The following SNX16 variants were observed in gnomAD, a reference collection of about 807,000 sequenced individuals.
The protein encoded by SNX16 is sorting nexin-16.
Under a neutral mutation model 36.7 loss-of-function variants are expected in SNX16, and 35 were observed. That is an observed-to-expected ratio of 0.95 (90% CI 0.73 to 1.27). SNX16 has a LOEUF of 1.27. Ranked by LOEUF, SNX16 falls within the 50% of genes most tolerant of loss-of-function variation. The pLI, the probability that SNX16 is intolerant of heterozygous loss-of-function variation, is 0.00. For missense variants in SNX16, 367 were observed against 393.6 expected, an observed-to-expected ratio of 0.93 and a Z score of 0.57; for synonymous variants, 134 against 132.0, an observed-to-expected ratio of 1.02 and a Z score of -0.10.
chr8:81,831,199 GC>G (rs1412016579), intron 2 of SNX16, among the ~76,000 whole-genome samples: 1 of 152,308 alleles, frequency 6.6e-6, no homozygotes, highest in East Asian at 1.9e-4. Flanking sequence ...CTGGACATCG[GC>G]CTTGGGAAAG....
At chr8:81,807,965 T>C (rs1226367609) in intron 5 of SNX16, 8 of 787,994 alleles carry the variant, frequency 1.0e-5, no homozygotes, top group Non-Finnish European at 1.6e-5. Context: ...TATGCCACTG[T>C]GGGGGAGGTG....
chr8:81,803,718 T>A (rs1809810045), intron 5 of SNX16, among the ~76,000 whole-genome samples: 1 of 151,922 alleles, frequency 6.6e-6, no homozygotes, highest in Non-Finnish European at 1.5e-5. Flanking sequence ...GTACAAGAAA[T>A]GAGGAGTCAG....
At chr8:81,830,137 C>A (rs1811187710) in intron 2 of SNX16, among the ~76,000 whole-genome samples, 1 of 152,090 alleles carries the variant, frequency 6.6e-6, no homozygotes, top group African/African-American at 2.4e-5. Flanking sequence ...TATTTCCATA[C>A]ACCAATAACA....
chr8:81,833,287 G>A (rs1161273055), intron 2 of SNX16, among the ~76,000 whole-genome samples: 1 of 151,444 alleles, frequency 6.6e-6, no homozygotes, highest in Non-Finnish European at 1.5e-5. Context: ...TCATTAGTTA[G>A]GGACTATAGA....
chr8:81,816,077 T>C (rs1156547287), intron 4 of SNX16, among the ~76,000 whole-genome samples: 1 of 152,208 alleles, frequency 6.6e-6, no homozygotes, highest in Non-Finnish European at 1.5e-5. Context: ...TTTGGACTGT[T>C]GAACTGAGAG....
intron 6 of SNX16, among the ~76,000 whole-genome samples, chr8:81,802,861 T>C (rs1212011108): frequency 1.3e-5 from 2 of 151,888 alleles, no homozygotes; most frequent in Middle Eastern, 3.2e-3. Context: ...AATGTTTACC[T>C]TGTTGAACAG....
chr8:81,833,313 G>A (rs1811350023), intron 2 of SNX16, among the ~76,000 whole-genome samples: 1 of 151,636 alleles, frequency 6.6e-6, no homozygotes, highest in Non-Finnish European at 1.5e-5. Flanking sequence ...CTTACCCTTT[G>A]ATTTTTCTCC....
rs1810429830 is a variant in SNX16, at chr8:81,815,309, A to G, written c.681+16T>C. On this transcript the variant is annotated intron_variant, in intron 5 of 7. Transcript: ENST00000345957. ...AATTGTTCCTCTTTTCATGTGCTAT[A>G]TAATACAGCACTTACCCTGCTTTCT... 1 of 1,600,564 alleles carries G rather than the reference A, an allele frequency of 6.2e-7. No individual in the cohort carries two copies. Among genetic ancestry groups the G allele is most frequent in the East Asian group, 2.2e-5 (1 of 44,660 alleles).
chr8:81,839,775 G>C lies in SNX16; in HGVS notation c.212C>G (p.Pro71Arg), dbSNP rs1315010356. Residue 71 changes from proline (P) to arginine (R), a missense_variant, in exon 2 of 8, where the codon CCC becomes CGC. Physicochemically the swap from Pro to Arg is moderately radical, Grantham distance 103. Coordinates refer to ENST00000345957, the MANE Select transcript of SNX16 (RefSeq NM_152836.3). ...ACCTGTAAATTTAGTCCTAATGAGG[G>C]GACTGCTACAGACAGATGAAGTATT... ...MDNTSSVCSSPLIRTKFTGTA... is the reference protein window; with the variant it reads ...MDNTSSVCSSRLIRTKFTGTA... 3 of 1,613,448 alleles carry C rather than the reference G, an allele frequency of 1.9e-6. No individual in the cohort carries two copies. Among genetic ancestry groups the C allele is most frequent in the Non-Finnish European group, 2.5e-6 (3 of 1,179,610 alleles).
chr8:81,809,197 GA>G (rs1696042346), intron 5 of SNX16, among the ~76,000 whole-genome samples: 1 of 152,102 alleles, frequency 6.6e-6, no homozygotes, highest in Non-Finnish European at 1.5e-5. Context: ...CTTGGGTGGG[GA>G]AGTCATTGTC....
intron 2 of SNX16, among the ~76,000 whole-genome samples, chr8:81,838,862 T>A (rs1005744583): frequency 6.6e-6 from 1 of 151,706 alleles, no homozygotes; most frequent in African/African-American, 2.4e-5. Flanking sequence ...AATACATGTA[T>A]CTGAAAAAAA....
chr8:81,802,403 T>C lies in SNX16; in HGVS notation c.915A>G (p.Gln305=), dbSNP rs943331184. Residue 305 remains glutamine, a synonymous_variant, in exon 7 of 8, where the codon CAA becomes CAG. Transcript: ENST00000345957. ...KVESSALEVD[Q]DVLDEESRAD... The stretch of plus-strand genomic sequence containing the variant: ...ACCTAGATTCTTCATCCAGGACATC[T>C]TGATCAACCTCAAGTGCAGAGGACT... 19 of 1,607,344 alleles carry C rather than the reference T, an allele frequency of 1.2e-5. No individual in the cohort carries two copies. Among genetic ancestry groups the C allele is most frequent in the East Asian group, 6.7e-5 (3 of 44,512 alleles).
At chr8:81,824,991 T>C (rs1810948394) in intron 3 of SNX16, among the ~76,000 whole-genome samples, 2 of 152,212 alleles carry the variant, frequency 1.3e-5, no homozygotes, top group South Asian at 4.1e-4. Flanking sequence ...ATAAGCCTAA[T>C]ACTGGCCTCT....
chr8:81,823,749 A>G, intron 4 of SNX16, 43 bp downstream of exon 4: 1 of 1,508,492 alleles, frequency 6.6e-7, no homozygotes, highest in Non-Finnish European at 8.9e-7. Flanking sequence ...TACGCCAGTT[A>G]TTGGAATGCT....
At chr8:81,833,919 T>C (rs1016589849) in intron 2 of SNX16, among the ~76,000 whole-genome samples, 2 of 152,236 alleles carry the variant, frequency 1.3e-5, no homozygotes, top group African/African-American at 2.4e-5. Context: ...ACTGTTTTTA[T>C]TTTAATGTAG....
At chr8:81,833,330 A>G (rs73696323) in intron 2 of SNX16, among the ~76,000 whole-genome samples, 2,867 of 152,218 alleles carry the variant, frequency 0.019, 92 homozygotes, top group African/African-American at 0.064. Flanking sequence ...CTCCCATACA[A>G]ACTTCTCTTT....
At chr8:81,808,417 T>A in intron 5 of SNX16, 1 of 1,210,748 alleles carries the variant, frequency 8.3e-7, no homozygotes, top group Non-Finnish European at 1.2e-6. Context: ...AATGACAACT[T>A]TGGTTGTGGA....
chr8:81,822,208 C>T (rs1313876155), intron 4 of SNX16, among the ~76,000 whole-genome samples: 1 of 151,830 alleles, frequency 6.6e-6, no homozygotes, highest in Non-Finnish European at 1.5e-5. Flanking sequence ...AGTTACCTAA[C>T]GAAGTGCAGT....
Position 81,839,897 on chromosome 8 carries a change from A to G in SNX16, c.90T>C (p.Phe30=), listed in dbSNP as rs199896415. The G allele has an allele frequency of 1.1e-5, 18 of 1,614,012 alleles. No individual in the cohort carries two copies. The East Asian group carries it at 3.1e-4, about 28-fold the overall frequency. ...TTNRNQRSSS[F]GSVSTSSNSS... is the part of the protein sequence containing the mutation. ...AATTTGAGCTTGTTGAGACACTGCC[A>G]AAAGAAGAACTTCTTTGATTTCTGT... Residue 30 remains phenylalanine, a synonymous_variant, in exon 2 of 8, where the codon TTT becomes TTC. Transcript: ENST00000345957.
Sources: allele counts gnomAD v4.1 joint callset (sites outside exome capture counted in the v4.1 genomes callset), GRCh38; gene constraint gnomAD v4.1.1; transcripts MANE v1.5; gene names NCBI Gene and HGNC (gene_info 2026-07-23, HGNC 2026-07-21).